The following IMMP2L variants were observed in gnomAD, a reference collection of about 807,000 sequenced individuals.
The protein encoded by IMMP2L is inner mitochondrial membrane peptidase subunit 2, also known as mitochondrial inner membrane protease subunit 2.
IMMP2L carries 18 observed loss-of-function variants against 19.3 expected under a neutral mutation model. The ratio of observed to expected loss-of-function variants is 0.93; its 90% CI spans 0.64 to 1.38. The LOEUF (loss-of-function observed/expected upper bound fraction) is 1.38, where lower values mean the gene tolerates loss of function less well. Ranked by LOEUF, IMMP2L falls within the 40% of genes most tolerant of loss-of-function variation. IMMP2L has a pLI of 0.00. For synonymous variants in IMMP2L, 76 were observed against 73.0 expected, an observed-to-expected ratio of 1.04 and a Z score of -0.21; for missense variants, 233 against 218.2, an observed-to-expected ratio of 1.07 and a Z score of -0.43.
chr7:110,731,430 T>C lies in IMMP2L; in HGVS notation c.409-67709A>G, dbSNP rs535954897. ...GCAAGAATGTATTTAGTATTTATTATTGTTATTATTCCCCCCATCATAATA... is the reference window on the plus strand; with the variant it reads ...GCAAGAATGTATTTAGTATTTATTACTGTTATTATTCCCCCCATCATAATA... On this transcript the variant is annotated intron_variant, in intron 5 of 5. Transcript: ENST00000405709. Among the ~76,000 whole-genome samples, 11 of 152,174 alleles carry C rather than the reference T, an allele frequency of 7.2e-5. 1 individual carries two copies. Among genetic ancestry groups the C allele is most frequent in the East Asian group, 1.9e-4 (1 of 5,192 alleles).
At chr7:110,985,821 A>G (rs1821800796) in intron 3 of IMMP2L, among the ~76,000 whole-genome samples, 1 of 152,160 alleles carries the variant, frequency 6.6e-6, no homozygotes, top group Non-Finnish European at 1.5e-5. Context: ...ATTAATAAAA[A>G]TGAAAACAAT....
intron 5 of IMMP2L, among the ~76,000 whole-genome samples, chr7:110,759,354 A>C (rs991650455): frequency 6.6e-6 from 1 of 152,096 alleles, no homozygotes; most frequent in Non-Finnish European, 1.5e-5. Context: ...AGTGACTTGC[A>C]CAAAGTAGAT....
intron 2 of IMMP2L, among the ~76,000 whole-genome samples, chr7:111,519,347 A>T (rs891373705): frequency 6.6e-6 from 1 of 152,128 alleles, no homozygotes; most frequent in Admixed American, 6.6e-5. Context: ...GTGTGTATAT[A>T]ATAAGCCTTC....
intron 5 of IMMP2L, among the ~76,000 whole-genome samples, chr7:110,830,085 C>T (rs1803831632): frequency 6.6e-6 from 1 of 152,044 alleles, no homozygotes; most frequent in African/African-American, 2.4e-5. Context: ...TCCAAATTTT[C>T]TTAGGTTAAA....
chr7:110,924,958 A>G lies in IMMP2L; in HGVS notation c.306-38263T>C, dbSNP rs2129550935. On this transcript the variant is annotated intron_variant, in intron 4 of 5. Transcript: ENST00000405709. The surrounding 1 kb of genome is among the most constrained non-coding windows in gnomAD (Gnocchi z 4.2). ...CAAAAGGAGCTATTAAAAACTTTCA[A>G]CTACATCTAACCATTCATAGTTATG... Among the ~76,000 whole-genome samples, 1 of 152,292 alleles carries G rather than the reference A, an allele frequency of 6.6e-6. No individual in the cohort carries two copies. The highest frequency in any genetic ancestry group is 1.5e-5 in the Non-Finnish European group (1 of 68,024).
chr7:111,113,426 A>G (rs1467273785), intron 3 of IMMP2L, among the ~76,000 whole-genome samples: 3 of 152,008 alleles, frequency 2.0e-5, no homozygotes, highest in African/African-American at 7.3e-5. Flanking sequence ...CCTCCCATGT[A>G]TAAGGCCCTA....
At chr7:111,445,743 C>A (rs1468173525) in intron 3 of IMMP2L, among the ~76,000 whole-genome samples, 1 of 152,136 alleles carries the variant, frequency 6.6e-6, no homozygotes, top group African/African-American at 2.4e-5. Context: ...TCTACAGCTC[C>A]CAGCGTGAGT....
At chr7:111,228,433 G>T (rs185410599) in intron 3 of IMMP2L, among the ~76,000 whole-genome samples, 20 of 150,782 alleles carry the variant, frequency 1.3e-4, no homozygotes, top group Non-Finnish European at 1.8e-4. Flanking sequence ...AAAATCAAAG[G>T]TGTCAAATCT....
intron 5 of IMMP2L, among the ~76,000 whole-genome samples, chr7:110,692,395 A>G (rs1793576536): frequency 7.6e-6 from 1 of 131,476 alleles, no homozygotes; most frequent in African/African-American, 3.2e-5. Flanking sequence ...GTTAGGTACA[A>G]TATATACTAC....
chr7:111,317,900 G>A (rs1824277600), intron 3 of IMMP2L, among the ~76,000 whole-genome samples: 1 of 152,062 alleles, frequency 6.6e-6, no homozygotes. Flanking sequence ...AATAAAATTT[G>A]TTATAGATTC....
At chr7:111,493,414 A>T (rs575414710) in intron 2 of IMMP2L, among the ~76,000 whole-genome samples, 56 of 152,282 alleles carry the variant, frequency 3.7e-4, no homozygotes, top group African/African-American at 1.3e-3. Context: ...TAAAAAGAAA[A>T]AAAACAGGCC....
chr7:111,553,971 T>G (rs1790965505), intron 1 of IMMP2L, among the ~76,000 whole-genome samples: 1 of 152,202 alleles, frequency 6.6e-6, no homozygotes, highest in Non-Finnish European at 1.5e-5. Context: ...ACCATCCTAT[T>G]TTTCAATGAT....
intron 3 of IMMP2L, among the ~76,000 whole-genome samples, chr7:111,174,323 G>T (rs1199447726): frequency 6.6e-6 from 1 of 151,648 alleles, no homozygotes; most frequent in Non-Finnish European, 1.5e-5. Context: ...GCAGATAGAG[G>T]TTTAATAACT....
At chr7:111,116,881 G>A (rs989253868) in intron 3 of IMMP2L, among the ~76,000 whole-genome samples, 4 of 152,102 alleles carry the variant, frequency 2.6e-5, no homozygotes, top group African/African-American at 7.2e-5. Flanking sequence ...ACATTTGAGA[G>A]AAAGTAGAAC....
At chr7:110,675,816 T>G (rs1245161052) in intron 5 of IMMP2L, among the ~76,000 whole-genome samples, 1 of 152,148 alleles carries the variant, frequency 6.6e-6, no homozygotes, top group Non-Finnish European at 1.5e-5. Context: ...ATTAGGACAC[T>G]TAAGAGTGAA....
Position 110,759,755 on chromosome 7 carries a change from C to T in IMMP2L, c.409-96034G>A, listed in dbSNP as rs377691888. ...TGTTCAACTTTTATTTCTAGGGGAACCCTGACATCAATGAACTACTGAAGT... is the reference window on the plus strand; with the variant it reads ...TGTTCAACTTTTATTTCTAGGGGAATCCTGACATCAATGAACTACTGAAGT... On this transcript the variant is annotated intron_variant, in intron 5 of 5. Coordinates refer to ENST00000405709, the MANE Select transcript of IMMP2L (RefSeq NM_032549.4). 5.9e-5 allele frequency among the ~76,000 whole-genome samples: 9 copies of T among 152,168 alleles called. No homozygotes were observed. The East Asian group carries it at 9.7e-4, about 16-fold the overall frequency.
At chr7:110,723,528 G>T (rs1212848825) in intron 5 of IMMP2L, among the ~76,000 whole-genome samples, 1 of 662 alleles carries the variant, frequency 1.5e-3, no homozygotes, top group Non-Finnish European at 3.2e-3. Flanking sequence ...CTTTAGGCTT[G>T]ATTTTTTTAA....
chr7:110,841,364 T>C (rs1805065157), intron 5 of IMMP2L, among the ~76,000 whole-genome samples: 1 of 150,742 alleles, frequency 6.6e-6, no homozygotes, highest in African/African-American at 2.4e-5. Flanking sequence ...AAACAACAGA[T>C]GAGACCAAAA....
chr7:111,521,511 A>G, intron 1 of IMMP2L, 62 bp from the exon 2 acceptor site: 1 of 1,468,844 alleles, frequency 6.8e-7, no homozygotes, highest in Non-Finnish European at 9.2e-7. Flanking sequence ...ACAAAGACAT[A>G]AAAACAGTAC....
Sources: allele counts gnomAD v4.1 joint callset (sites outside exome capture counted in the v4.1 genomes callset), GRCh38; gene constraint gnomAD v4.1.1; non-coding constraint Gnocchi (gnomAD v3.1); transcripts MANE v1.5; gene names NCBI Gene and HGNC (gene_info 2026-07-23, HGNC 2026-07-21).